FRMPD4: variants seen among roughly 807,000 people sequenced by gnomAD.
FRMPD4 encodes FERM and PDZ domain-containing protein 4.
FRMPD4 carries 22 observed loss-of-function variants against 94.1 expected under a neutral mutation model. The ratio of observed to expected loss-of-function variants is 0.23; its 90% CI spans 0.17 to 0.33. The LOEUF (loss-of-function observed/expected upper bound fraction) is 0.33, where lower values mean the gene tolerates loss of function less well. Among genes scored for constraint, FRMPD4 ranks in the 10% least tolerant of loss-of-function variants. The probability of loss-of-function intolerance (pLI) is 1.00; values close to 1 mark genes in which losing one functional copy is unlikely to be tolerated. For missense variants in FRMPD4, 1,111 were observed against 1,339.9 expected, an observed-to-expected ratio of 0.83 and a Z score of 2.67; for synonymous variants, 631 against 548.6, an observed-to-expected ratio of 1.15 and a Z score of -2.10.
Position 12,223,425 on chromosome X carries a change from G to C in FRMPD4, c.41+84413G>C, listed in dbSNP as rs370865296. ...TGAGTACACATGGACACAAATAAGG[G>C]AACAGTAGACACCGGGGCCTCCTTG... On this transcript the variant is annotated intron_variant, in intron 1 of 16. Coordinates refer to ENST00000675598, the MANE Select transcript of FRMPD4 (RefSeq NM_001368397.1). Among the ~76,000 whole-genome samples the C allele has an allele frequency of 4.5e-5, 5 of 111,814 alleles. No individual in the cohort carries two copies. The East Asian group carries it at 8.4e-4, about 19-fold the overall frequency.
At position 12,712,218 on chromosome X, in the gene FRMPD4, G is replaced by GAAA. The variant is rs59142640; in HGVS notation, c.1609+1692_1609+1694dup. ...AGCATTTCTATTAATAATTAGCAGTGAAAAAAAAAAAAACAGAGGCAGAAA... is the reference window on the plus strand; with the variant it reads ...AGCATTTCTATTAATAATTAGCAGTGAAAAAAAAAAAAAAAACAGAGGCAGAAA... On this transcript the variant is annotated intron_variant, in intron 14 of 16. Coordinates refer to ENST00000675598, the MANE Select transcript of FRMPD4 (RefSeq NM_001368397.1). 1.6e-3 allele frequency among the ~76,000 whole-genome samples: 153 copies of GAAA among 97,444 alleles called. 1 individual carries two copies. The highest frequency in any genetic ancestry group is 5.2e-3 in the African/African-American group (139 of 26,799). 84.6% of individuals were successfully genotyped at this position (97,444 alleles called of 115,157 possible). A position where few individuals can be genotyped will look rare whatever the true frequency, so the allele number is the denominator to read the frequency against.
intron 1 of FRMPD4, among the ~76,000 whole-genome samples, chrX:12,368,150 G>A (rs1053609200): frequency 3.0e-4 from 34 of 112,009 alleles, no homozygotes; most frequent in African/African-American, 1.0e-3. Context: ...CTGGCCCCCT[G>A]GAGTAGACTG....
Position 12,138,643 on chromosome X carries a change from T to A in FRMPD4, c.-329T>A. 1 of 294,379 alleles carries A rather than the reference T, an allele frequency of 3.4e-6. No individual in the cohort carries two copies. The allele number at this position is 294,379 out of a possible 1,213,427, so 24.3% of individuals were successfully genotyped here. A position where few individuals can be genotyped will look rare whatever the true frequency, so the allele number is the denominator to read the frequency against. Reference sequence around the variant, plus strand: ...CTGGACGCCCGGCAGTCCCCGGGGCTAGAGCGCACGGGGCGGGGCGCGAGA... The same window carrying A: ...CTGGACGCCCGGCAGTCCCCGGGGCAAGAGCGCACGGGGCGGGGCGCGAGA... On this transcript the variant is annotated 5_prime_UTR_variant, in exon 1 of 17. Coordinates refer to ENST00000675598, the MANE Select transcript of FRMPD4 (RefSeq NM_001368397.1).
At chrX:12,456,704 A>T (rs937846592) in intron 1 of FRMPD4, among the ~76,000 whole-genome samples, 5 of 113,145 alleles carry the variant, frequency 4.4e-5, no homozygotes, top group South Asian at 7.2e-4. Flanking sequence ...ATAATTTTGG[A>T]CATTTGCTGC....
chrX:12,505,888 A>G (rs749944666), intron 2 of FRMPD4, among the ~76,000 whole-genome samples: 25 of 111,990 alleles, frequency 2.2e-4, no homozygotes, highest in South Asian at 7.5e-4. Context: ...CTTGTTATCA[A>G]TGGCCAATTT....
chrX:12,099,152 A>G (rs1482154770), intron 3 of FRMPD4, among the ~76,000 whole-genome samples: 6 of 107,886 alleles, frequency 5.6e-5, no homozygotes, highest in African/African-American at 2.0e-4. Context: ...GCGCACCAGC[A>G]TGGCACATGT....
chrX:12,520,828 C>G (rs936666699), intron 2 of FRMPD4, among the ~76,000 whole-genome samples: 1 of 112,186 alleles, frequency 8.9e-6, no homozygotes, highest in Non-Finnish European at 1.9e-5. Context: ...TGTGGGTTGG[C>G]TTAAGCCAAG....
chrX:12,416,074 T>C (rs1209856824), intron 1 of FRMPD4, among the ~76,000 whole-genome samples: 2 of 111,969 alleles, frequency 1.8e-5, no homozygotes, highest in Non-Finnish European at 3.8e-5. Flanking sequence ...TAACATTTAG[T>C]GAGCATCTAT....
chrX:12,437,983 GTTT>G (rs1028577138), intron 1 of FRMPD4, among the ~76,000 whole-genome samples: 77 of 111,900 alleles, frequency 6.9e-4, no homozygotes, highest in African/African-American at 2.3e-3. Context: ...ACCTCCATCT[GTTT>G]TTTACCTAAA....
At chrX:12,108,958 C>T (rs773135959) in intron 3 of FRMPD4, among the ~76,000 whole-genome samples, 1 of 111,490 alleles carries the variant, frequency 9.0e-6, no homozygotes, top group Non-Finnish European at 1.9e-5. Context: ...ACTTAGACTC[C>T]CACACAACAA....
rs5978501 is a variant in FRMPD4 at position 12,215,691 on chromosome X, C to T, written c.41+76679C>T. On this transcript the variant is annotated intron_variant, in intron 1 of 16. Coordinates refer to ENST00000675598, the MANE Select transcript of FRMPD4 (RefSeq NM_001368397.1). ...ACATAATCCATATCCACAGATCATA[C>T]GCTTAAGTAGCAAGCCATACTTCTC... 5.8e-3 allele frequency among the ~76,000 whole-genome samples: 646 copies of T among 111,879 alleles called. 3 individuals carry two copies. Among genetic ancestry groups the T allele is most frequent in the African/African-American group, 0.02 (611 of 30,791 alleles).
intron 1 of FRMPD4, among the ~76,000 whole-genome samples, chrX:12,424,878 G>A (rs1280167966): frequency 8.9e-6 from 1 of 112,842 alleles, no homozygotes; most frequent in East Asian, 2.8e-4. Context: ...AGAATCTTGT[G>A]TACTGGGGCA....
chrX:12,008,260 G>A (rs1367207864), intron 3 of FRMPD4, among the ~76,000 whole-genome samples: 1 of 111,645 alleles, frequency 9.0e-6, no homozygotes, highest in Admixed American at 9.5e-5. Context: ...GAGGATACTT[G>A]GCCAGAGTCA....
At chrX:12,049,565 A>G (rs1016577325) in intron 3 of FRMPD4, among the ~76,000 whole-genome samples, 8 of 111,478 alleles carry the variant, frequency 7.2e-5, no homozygotes, top group Non-Finnish European at 1.1e-4. Flanking sequence ...GTGGTCCTAT[A>G]AGATTATAAT....
At position 12,505,681 on chromosome X, in the gene FRMPD4, C is replaced by T. The variant is rs866048111; in HGVS notation, c.158+6885C>T. Among the ~76,000 whole-genome samples, 18 of 93,979 alleles carry T rather than the reference C, an allele frequency of 1.9e-4. No individual in the cohort carries two copies. In the Middle Eastern group the frequency reaches 0.019, roughly 98 times the overall value. 81.6% of individuals were successfully genotyped at this position (93,979 alleles called of 115,157 possible). A position where few individuals can be genotyped will look rare whatever the true frequency, so the allele number is the denominator to read the frequency against. The stretch of plus-strand genomic sequence containing the variant: ...GGCAGAGGTTGCGGTGAGCCAAGAT[C>T]GTGCCATTGCACTCCAGCCTGGGCA... On this transcript the variant is annotated intron_variant, in intron 2 of 16. Transcript: ENST00000675598.
At chrX:11,955,743 A>G (rs2054253381) in intron 3 of FRMPD4, among the ~76,000 whole-genome samples, 1 of 105,286 alleles carries the variant, frequency 9.5e-6, no homozygotes, top group African/African-American at 3.5e-5. Flanking sequence ...CTCCGTCTCA[A>G]AAAGAAAAAA....
rs756976153 is a variant in FRMPD4 at position 12,605,692 on chromosome X, G to A, written c.159-4029G>A. ...TCAGATTGTTCCTGGGCAGGTTCAC[G>A]TCAGGCACGTTATGCCTCAGGACCT... On this transcript the variant is annotated intron_variant, in intron 2 of 16. Transcript: ENST00000675598. 2.3e-4 allele frequency among the ~76,000 whole-genome samples: 26 copies of A among 110,674 alleles called. No homozygotes were observed. The East Asian group carries it at 2.5e-3, about 11-fold the overall frequency.
chrX:12,082,777 A>T (rs2055072499), intron 3 of FRMPD4, among the ~76,000 whole-genome samples: 1 of 110,954 alleles, frequency 9.0e-6, no homozygotes, highest in Non-Finnish European at 1.9e-5. Flanking sequence ...AGCAAAGATG[A>T]CTCTTGCTAT....
At position 12,316,587 on chromosome X, in the gene FRMPD4, A is replaced by G. The variant is rs182058681; in HGVS notation, c.41+177575A>G. Among the ~76,000 whole-genome samples the G allele has an allele frequency of 2.7e-4, 30 of 112,026 alleles. No individual in the cohort carries two copies. In the East Asian group the frequency reaches 7.8e-3, roughly 29 times the overall value. On this transcript the variant is annotated intron_variant, in intron 1 of 16. Coordinates refer to ENST00000675598, the MANE Select transcript of FRMPD4 (RefSeq NM_001368397.1). ...AACTTGCTGATATTATTTATTTTGT[A>G]TCGAACATGACCAGTTTTGTTGATA... is the stretch of plus-strand genomic sequence containing the variant.
Sources: gnomAD v4.1 joint callset for allele counts (sites outside exome capture counted in the v4.1 genomes callset) on GRCh38, gnomAD v4.1.1 for gene constraint, MANE v1.5 for transcripts, NCBI Gene and HGNC (gene_info 2026-07-23, HGNC 2026-07-21) for gene names.